CLEC5A: variants seen among roughly 807,000 people sequenced by gnomAD.
CLEC5A encodes C-type lectin domain family 5 member A.
CLEC5A carries 15 observed loss-of-function variants against 24.4 expected under a neutral mutation model. That is an observed-to-expected ratio of 0.62 (90% CI 0.41 to 0.95). CLEC5A has a LOEUF of 0.95. Ranked by LOEUF, CLEC5A falls within the 40% of genes least tolerant of loss-of-function variation. The pLI, the probability that CLEC5A is intolerant of heterozygous loss-of-function variation, is 0.00. For missense variants in CLEC5A, 211 were observed against 224.0 expected (o/e 0.94, Z 0.37); for synonymous variants, 71 against 72.6 (o/e 0.98, Z 0.11).
At chr7:141,937,425 G>T (rs531781910) in intron 4 of CLEC5A, among the ~76,000 whole-genome samples, 1 of 152,248 alleles carries the variant, frequency 6.6e-6, no homozygotes, top group South Asian at 2.1e-4. Flanking sequence ...TGGTCATAGG[G>T]TGAAGCTCCT....
At chr7:141,931,633 A>C in intron 6 of CLEC5A, 87 bp downstream of exon 6, 2 of 776,860 alleles carry the variant, frequency 2.6e-6, no homozygotes, top group Admixed American at 1.8e-5. Flanking sequence ...TCAGCGTTTG[A>C]GCTATTCCAG....
At chr7:141,944,173 T>A (rs1802883445) in intron 3 of CLEC5A, among the ~76,000 whole-genome samples, 1 of 152,140 alleles carries the variant, frequency 6.6e-6, no homozygotes, top group Non-Finnish European at 1.5e-5. Context: ...AAATCCTATT[T>A]CATGTCTCCT....
In CLEC5A at chr7:141,931,707, C is replaced by T. The variant is rs73525937; in HGVS notation, c.452+13G>A. On this transcript the variant is annotated intron_variant, in intron 6 of 6. Transcript: ENST00000546910. ...AACCAAGATCCCCAGGAAACTGTGG[C>T]ATGTTCACGTACTTGCCATTGAACA... The T allele has an allele frequency of 0.011, 14,595 of 1,389,456 alleles. 107 individuals are homozygous for T. Among genetic ancestry groups the T allele is most frequent in the Non-Finnish European group, 0.013 (12,630 of 975,284 alleles). 86.1% of individuals were successfully genotyped at this position (1,389,456 alleles called of 1,614,324 possible).
chr7:141,943,252 C>G (rs533851214), intron 4 of CLEC5A, among the ~76,000 whole-genome samples: 3 of 152,172 alleles, frequency 2.0e-5, no homozygotes, highest in Non-Finnish European at 4.4e-5. Flanking sequence ...ATAAAAAAAT[C>G]AGATCCTGTC....
intron 5 of CLEC5A, among the ~76,000 whole-genome samples, chr7:141,932,336 T>G (rs1802492369): frequency 6.6e-6 from 1 of 152,242 alleles, no homozygotes; most frequent in African/African-American, 2.4e-5. Flanking sequence ...AAAAGTGTAT[T>G]GCTTTTAAAA....
At chr7:141,937,449 G>A (rs1001050482) in intron 4 of CLEC5A, among the ~76,000 whole-genome samples, 1 of 152,156 alleles carries the variant, frequency 6.6e-6, no homozygotes, top group African/African-American at 2.4e-5. Context: ...CCTGCAGAAA[G>A]GGGAGGGAAG....
At chr7:141,939,851 T>A (rs1802735049) in intron 4 of CLEC5A, among the ~76,000 whole-genome samples, 1 of 152,124 alleles carries the variant, frequency 6.6e-6, no homozygotes. Context: ...GAGGTCACTG[T>A]ATAATGATAA....
In CLEC5A at chr7:141,928,355, T is replaced by C. The variant is rs1802359773; in HGVS notation, c.*1749A>G. Reference sequence around the variant, plus strand: ...AAATAGGAAGTGAAGCAACTACAGTTCTCTCTTCTCAAAACAGAAGGATTA... The same window carrying C: ...AAATAGGAAGTGAAGCAACTACAGTCCTCTCTTCTCAAAACAGAAGGATTA... On this transcript the variant is annotated 3_prime_UTR_variant, in exon 7 of 7. Transcript: ENST00000546910. 1 of 152,592 alleles carries C rather than the reference T, an allele frequency of 6.6e-6. No homozygotes were observed. The highest frequency in any genetic ancestry group is 1.5e-5 in the Non-Finnish European group (1 of 68,038). 9.5% of individuals were successfully genotyped at this position (152,592 alleles called of 1,614,324 possible).
chr7:141,941,533 C>T (rs114761514), intron 4 of CLEC5A, among the ~76,000 whole-genome samples: 2,566 of 152,144 alleles, frequency 0.017, 70 homozygotes, highest in African/African-American at 0.059. Flanking sequence ...AGGCCGCACT[C>T]GCTTTCATCA....
rs934164106 is a variant in CLEC5A at position 141,929,862 on chromosome 7, G to C, written c.*242C>G. On this transcript the variant is annotated 3_prime_UTR_variant, in exon 7 of 7. Transcript: ENST00000546910. ...TAGGCCTTTTTGATCAGTCAGAAAT[G>C]CTCAGTACTACAGAAGCGGACCTCA... The C allele has an allele frequency of 2.3e-6, 1 of 438,366 alleles. No homozygotes were observed. Among genetic ancestry groups the C allele is most frequent in the East Asian group, 4.3e-5 (1 of 23,282 alleles). The allele number at this position is 438,366 out of a possible 1,614,324, so 27.2% of individuals were successfully genotyped here. A position where few individuals can be genotyped will look rare whatever the true frequency, so the allele number is the denominator to read the frequency against.
chr7:141,944,027 C>G, intron 3 of CLEC5A, 63 bp from the exon 4 acceptor site: 1 of 950,402 alleles, frequency 1.1e-6, no homozygotes. Context: ...ACAGAAACAT[C>G]AGAGTATGGG....
intron 2 of CLEC5A, 102 bp from the exon 3 acceptor site, chr7:141,945,502 AG>A (rs1802927240): frequency 1.2e-6 from 1 of 812,786 alleles, no homozygotes; most frequent in Non-Finnish European, 2.2e-6. Context: ...TGTGACTATT[AG>A]TGGGAAATAC....
rs1554440155 is a variant in CLEC5A at position 141,930,245 on chromosome 7, A to AACAAG, written c.453-28_453-27insCTTGT. On this transcript the variant is annotated intron_variant, in intron 6 of 6. Coordinates refer to ENST00000546910, the MANE Select transcript of CLEC5A (RefSeq NM_013252.3). ...TAAATGAGAAAACAAAACAAAACAA[A>AACAAG]ACAAACAAACAAAAAACAAAGCATG... The AACAAG allele has an allele frequency of 5.8e-6, 9 of 1,548,312 alleles. No individual in the cohort carries two copies. In the South Asian group the frequency reaches 1.0e-4, roughly 17 times the overall value.
At position 141,946,325 on chromosome 7, in the gene CLEC5A, GAGCACAGC is replaced by G; in HGVS notation, c.-20-21_-20-14del. On this transcript the variant is annotated splice_polypyrimidine_tract_variant and intron_variant, in intron 1 of 6. Coordinates refer to ENST00000546910, the MANE Select transcript of CLEC5A (RefSeq NM_013252.3). ...GAGCTGCAGGGGCCTGTGAAGATTA[GAGCACAGC>G]AGCATCAGAATTCGGGTACAAGGCT... is the stretch of plus-strand genomic sequence containing the variant. 6.4e-7 allele frequency: 1 copy of G among 1,552,118 alleles called. No individual in the cohort carries two copies. The highest frequency in any genetic ancestry group is 8.7e-7 in the Non-Finnish European group (1 of 1,146,990).
intron 4 of CLEC5A, among the ~76,000 whole-genome samples, chr7:141,937,498 C>G (rs1802665795): frequency 6.6e-6 from 1 of 152,136 alleles, no homozygotes; most frequent in African/African-American, 2.4e-5. Context: ...AGTTTCAGCT[C>G]AGCCACAGGA....
intron 5 of CLEC5A, among the ~76,000 whole-genome samples, chr7:141,934,053 C>G (rs782483918): frequency 3.3e-5 from 5 of 152,202 alleles, no homozygotes; most frequent in African/African-American, 7.2e-5. Flanking sequence ...CACCCACTCC[C>G]CTAGGACCTT....
chr7:141,930,248 AAAC>A, intron 6 of CLEC5A, 30 bp from the exon 7 acceptor site: 2 of 1,543,074 alleles, frequency 1.3e-6, no homozygotes, highest in Non-Finnish European at 1.8e-6. Flanking sequence ...AAAACAAAAC[AAAC>A]AAACAAAAAA....
intron 4 of CLEC5A, among the ~76,000 whole-genome samples, chr7:141,938,931 A>G (rs1554441381): frequency 6.6e-6 from 1 of 152,200 alleles, no homozygotes; most frequent in Non-Finnish European, 1.5e-5. Context: ...TATCCTTCAA[A>G]CATGAAGGGG....
intron 5 of CLEC5A, among the ~76,000 whole-genome samples, chr7:141,932,700 C>T (rs1168913880): frequency 6.6e-6 from 1 of 152,134 alleles, no homozygotes; most frequent in Non-Finnish European, 1.5e-5. Flanking sequence ...ATATATTTCT[C>T]CTCAAAGAAA....
Sources: allele counts gnomAD v4.1 joint callset (sites outside exome capture counted in the v4.1 genomes callset), GRCh38; gene constraint gnomAD v4.1.1; transcripts MANE v1.5; gene names NCBI Gene and HGNC (gene_info 2026-07-23, HGNC 2026-07-21).